GAPDHS: variants seen among roughly 807,000 people sequenced by gnomAD.
GAPDHS encodes glyceraldehyde-3-phosphate dehydrogenase, testis-specific.
In GAPDHS, 42 loss-of-function variants were observed where a neutral mutation model predicts 48.7. That is an observed-to-expected ratio of 0.86 (90% CI 0.67 to 1.12). The LOEUF (loss-of-function observed/expected upper bound fraction) is 1.12. GAPDHS is among the 50% of genes most tolerant of loss of function. The pLI, the probability that GAPDHS is intolerant of heterozygous loss-of-function variation, is 0.00. For synonymous variants in GAPDHS, 166 were observed against 219.1 expected, an observed-to-expected ratio of 0.76 and a Z score of 2.14; for missense variants, 512 against 557.7, an observed-to-expected ratio of 0.92 and a Z score of 0.82.
intron 1 of GAPDHS, among the ~76,000 whole-genome samples, 158 bp downstream of exon 1, chr19:35,533,752 T>C (rs2071447178): frequency 6.6e-6 from 1 of 152,134 alleles, no homozygotes; most frequent in African/African-American, 2.4e-5. Flanking sequence ...CACCCGCCAG[T>C]GTGCTGGCAG....
intron 4 of GAPDHS, chr19:35,542,103 A>C (rs1273703084): frequency 5.2e-6 from 3 of 576,818 alleles, no homozygotes; most frequent in Non-Finnish European, 9.4e-6. Flanking sequence ...GGGGTGGTGC[A>C]ATCAGCAAAG....
At position 35,538,358 on chromosome 19, in the gene GAPDHS, T is replaced by G; in HGVS notation, c.297T>G (p.Val99=). ...TGCGCGCCTGCATGGAGAAGGGTGT[T>G]AAGGTGGTGGCTGTGAATGATCCAT... ...LVLRACMEKG[V]KVVAVNDPFI... The change falls in exon 3 of 11, where the codon GTT becomes GTG. Residue 99 remains valine, a synonymous_variant. Transcript: ENST00000222286. The G allele has an allele frequency of 6.2e-7, 1 of 1,613,616 alleles. No homozygotes were observed. Among genetic ancestry groups the G allele is most frequent in the Non-Finnish European group, 8.5e-7 (1 of 1,179,726 alleles).
chr19:35,543,089 C>A, intron 7 of GAPDHS, 63 bp downstream of exon 7: 2 of 1,291,284 alleles, frequency 1.5e-6, no homozygotes, highest in Admixed American at 1.7e-5. Context: ...TCTTCCCGGG[C>A]CTTGCTTACT....
chr19:35,535,340 T>C (rs1422778308), intron 1 of GAPDHS, among the ~76,000 whole-genome samples: 3 of 152,234 alleles, frequency 2.0e-5, no homozygotes, highest in Non-Finnish European at 4.4e-5. Flanking sequence ...CACGGTACTC[T>C]CTAAGCTTCC....
chr19:35,544,013 A>G, intron 9 of GAPDHS, 186 bp downstream of exon 9: 2 of 1,137,280 alleles, frequency 1.8e-6, no homozygotes, highest in South Asian at 1.7e-5. Context: ...CCAGGTGACC[A>G]TACAGTCTGT....
chr19:35,543,524 G>T (rs2071520822), intron 8 of GAPDHS, 33 bp downstream of exon 8: 1 of 1,586,684 alleles, frequency 6.3e-7, no homozygotes, highest in East Asian at 2.2e-5. Context: ...CCAGGGTGGG[G>T]GCATACGCCA....
At chr19:35,536,695 G>A in intron 1 of GAPDHS, 118 bp from the exon 2 acceptor site, 1 of 774,108 alleles carries the variant, frequency 1.3e-6, no homozygotes, top group Middle Eastern at 2.5e-4. Context: ...GGAAACACTG[G>A]GCTAAATGGT....
At position 35,538,311 on chromosome 19, in the gene GAPDHS, G is replaced by A; in HGVS notation, c.250G>A (p.Gly84Arg). The A allele has an allele frequency of 6.2e-7, 1 of 1,611,484 alleles. No homozygotes were observed. Among genetic ancestry groups the A allele is most frequent in the South Asian group, 1.1e-5 (1 of 90,748 alleles). ...RELTVGINGF[G>R]RIGRLVLRAC... ...TTCCTGTCTGTCCCTGGCCAGATTT[G>A]GACGCATCGGTCGCCTGGTCCTGCG... The change falls in exon 3 of 11, where the codon GGA (glycine) becomes AGA (arginine). Residue 84 changes from glycine to arginine, a missense_variant. Transcript: ENST00000222286.
intron 6 of GAPDHS, 100 bp from the exon 7 acceptor site, chr19:35,542,845 C>G: frequency 1.1e-6 from 1 of 922,338 alleles, no homozygotes; most frequent in South Asian, 1.4e-5. Flanking sequence ...CCTGACGTTT[C>G]ATAAAACCAA....
At chr19:35,544,696 G>C (rs144118147) in intron 9 of GAPDHS, 332 of 595,444 alleles carry the variant, frequency 5.6e-4, no homozygotes, top group African/African-American at 5.6e-3. Flanking sequence ...GAGGGTGTTT[G>C]TGACCTGTGC....
chr19:35,536,807 G>A lies in GAPDHS; in HGVS notation c.68-6G>A, dbSNP rs765636998. 7.9e-5 allele frequency: 126 copies of A among 1,593,090 alleles called. No homozygotes were observed. Among genetic ancestry groups the A allele is most frequent in the East Asian group, 2.9e-4 (13 of 44,534 alleles). ...TGCAACCCATTCCCTCCCTTCCCCC[G>A]CATAGTGACCAGAGCACCGCCCCCA... is the stretch of plus-strand genomic sequence containing the variant. On this transcript the variant is annotated splice_region_variant and splice_polypyrimidine_tract_variant and intron_variant, in intron 1 of 10. Coordinates refer to ENST00000222286, the MANE Select transcript of GAPDHS (RefSeq NM_014364.5).
chr19:35,543,515 C>T (rs371464824), intron 8 of GAPDHS, 24 bp downstream of exon 8: 7 of 1,591,324 alleles, frequency 4.4e-6, no homozygotes, highest in Non-Finnish European at 6.0e-6. Context: ...AAGCTGCAAC[C>T]AGGGTGGGGG....
chr19:35,544,649 G>C (rs2071531850), intron 9 of GAPDHS: 1 of 522,938 alleles, frequency 1.9e-6, no homozygotes, highest in South Asian at 2.2e-5. Context: ...CCAAACGCTT[G>C]CATTATTCCT....
chr19:35,535,379 A>T (rs1047470487), intron 1 of GAPDHS, among the ~76,000 whole-genome samples: 1 of 151,908 alleles, frequency 6.6e-6, no homozygotes, highest in Non-Finnish European at 1.5e-5. Flanking sequence ...TGGAGTGCTT[A>T]TTTTATTTTT....
chr19:35,539,529 C>T (rs1266957983), intron 4 of GAPDHS, among the ~76,000 whole-genome samples: 1 of 152,086 alleles, frequency 6.6e-6, no homozygotes, highest in African/African-American at 2.4e-5. Flanking sequence ...TCTGTGGCTG[C>T]CTGGGGCTTT....
rs1436375652 is a variant in GAPDHS at position 35,536,795 on chromosome 19, C to G, written c.68-18C>G. ...CTTTGGTGGTCATGCAACCCATTCCCTCCCTTCCCCCGCATAGTGACCAGA... is the reference window on the plus strand; with the variant it reads ...CTTTGGTGGTCATGCAACCCATTCCGTCCCTTCCCCCGCATAGTGACCAGA... On this transcript the variant is annotated intron_variant, in intron 1 of 10. Transcript: ENST00000222286. 6.3e-7 allele frequency: 1 copy of G among 1,576,384 alleles called. No individual in the cohort carries two copies. The highest frequency in any genetic ancestry group is 1.3e-5 in the African/African-American group (1 of 74,090).
chr19:35,533,650 C>T (rs999390479), intron 1 of GAPDHS, 56 bp downstream of exon 1: 2 of 1,344,728 alleles, frequency 1.5e-6, no homozygotes, highest in African/African-American at 2.8e-5. Context: ...TGGGGAGCGT[C>T]TGCACCCTCA....
intron 6 of GAPDHS, 139 bp downstream of exon 6, chr19:35,542,747 C>T (rs777554298): frequency 5.0e-5 from 38 of 757,342 alleles, no homozygotes; most frequent in Non-Finnish European, 8.4e-5. Context: ...GCATGACTTC[C>T]AGAGGACAAG....
chr19:35,538,440 G>C, intron 3 of GAPDHS, 37 bp downstream of exon 3: 2 of 1,022,660 alleles, frequency 2.0e-6, no homozygotes, highest in Non-Finnish European at 3.1e-6. Flanking sequence ...AGCAGGGTGG[G>C]ACTGGGGTGG....
Sources: allele counts gnomAD v4.1 joint callset (sites outside exome capture counted in the v4.1 genomes callset), GRCh38; gene constraint gnomAD v4.1.1; transcripts MANE v1.5; gene names NCBI Gene and HGNC (gene_info 2026-07-23, HGNC 2026-07-21).